Variants in C11orf65 observed in about 807,000 individuals in gnomAD.
The protein encoded by C11orf65 is chromosome 11 open reading frame 65.
In C11orf65, 38 loss-of-function variants were observed where a neutral mutation model predicts 35.3. That is an observed-to-expected ratio of 1.08 (90% CI 0.83 to 1.41). The LOEUF is 1.41. Ranked by LOEUF, C11orf65 falls within the 40% of genes most tolerant of loss-of-function variation. The pLI, the probability that C11orf65 is intolerant of heterozygous loss-of-function variation, is 0.00. For missense variants in C11orf65, 370 were observed against 367.1 expected (o/e 1.01, Z -0.06); for synonymous variants, 105 against 114.4 (o/e 0.92, Z 0.53).
chr11:108,435,131 C>T (rs933401472), intron 2 of C11orf65, among the ~76,000 whole-genome samples: 1 of 152,102 alleles, frequency 6.6e-6, no homozygotes, highest in Non-Finnish European at 1.5e-5. Flanking sequence ...AAGTGGCTCC[C>T]TCTCAATATT....
chr11:108,350,696 T>G (rs2089082491), intron 2 of C11orf65, among the ~76,000 whole-genome samples: 1 of 152,188 alleles, frequency 6.6e-6, no homozygotes, highest in Non-Finnish European at 1.5e-5. Flanking sequence ...AAGGGATTTG[T>G]TAGAGCTAGA....
chr11:108,413,038 A>G (rs1279573010), intron 3 of C11orf65, among the ~76,000 whole-genome samples: 1 of 152,246 alleles, frequency 6.6e-6, no homozygotes, highest in Admixed American at 6.5e-5. Flanking sequence ...CAGTAAGGCC[A>G]TAATTGAACT....
At chr11:108,353,212 G>T (rs752737346) in intron 2 of C11orf65, among the ~76,000 whole-genome samples, 1 of 151,674 alleles carries the variant, frequency 6.6e-6, no homozygotes, top group Admixed American at 6.6e-5. Context: ...GCAATGGCAC[G>T]ATCTCAGCTC....
At chr11:108,457,902 C>G (rs1341730839) in intron 2 of C11orf65, among the ~76,000 whole-genome samples, 2 of 152,028 alleles carry the variant, frequency 1.3e-5, no homozygotes, top group Non-Finnish European at 2.9e-5. Context: ...TTGACTGTAT[C>G]TAGAATCAAG....
intron 2 of C11orf65, among the ~76,000 whole-genome samples, chr11:108,439,532 G>A (rs1320377765): frequency 1.3e-5 from 2 of 152,126 alleles, no homozygotes; most frequent in Non-Finnish European, 2.9e-5. Flanking sequence ...CAATTTATTA[G>A]CAGCATTATT....
chr11:108,456,631 A>G (rs2093413945), intron 2 of C11orf65, among the ~76,000 whole-genome samples: 1 of 151,798 alleles, frequency 6.6e-6, no homozygotes, highest in Admixed American at 6.6e-5. Context: ...AAAATTAAAA[A>G]ATTAGCCAGG....
chr11:108,357,715 C>T (rs2090179476), intron 2 of C11orf65, among the ~76,000 whole-genome samples: 1 of 152,156 alleles, frequency 6.6e-6, no homozygotes, highest in Admixed American at 6.5e-5. Context: ...GGTACTCCAA[C>T]AGACCTGCAG....
intron 6 of C11orf65, among the ~76,000 whole-genome samples, chr11:108,323,581 T>C (rs1029911575): frequency 6.6e-6 from 1 of 152,332 alleles, no homozygotes; most frequent in East Asian, 1.9e-4. Flanking sequence ...AAATGATAAA[T>C]GTTTGAGATC....
chr11:108,331,259 C>T (rs1440889390), downstream of C11orf65: 1 of 1,335,350 alleles, frequency 7.5e-7, no homozygotes, highest in African/African-American at 1.5e-5. Context: ...ATGCATTAAT[C>T]TAGAGTACCC....
chr11:108,426,569 C>T (rs563026036), intron 3 of C11orf65, among the ~76,000 whole-genome samples: 1 of 152,230 alleles, frequency 6.6e-6, no homozygotes, highest in African/African-American at 2.4e-5. Context: ...AATGGCCATA[C>T]TGCCCAAAGT....
chr11:108,310,778 T>C (rs1262946208), intron 6 of C11orf65, among the ~76,000 whole-genome samples: 1 of 152,212 alleles, frequency 6.6e-6, no homozygotes, highest in Admixed American at 6.5e-5. Context: ...TTTATTTCTG[T>C]GACTAATTAA....
In C11orf65 at chr11:108,365,165, T is replaced by C. The variant is rs1057521029; in HGVS notation, c.226+28043A>G. The C allele has an allele frequency of 6.2e-7, 1 of 1,614,256 alleles. No homozygotes were observed. Among genetic ancestry groups the C allele is most frequent in the African/African-American group, 1.3e-5 (1 of 75,068 alleles). On this transcript the variant is annotated intron_variant, in intron 2 of 3. Coordinates refer to the C11orf65 transcript ENST00000524755. ...TACAGCAGAGGCCGGAAGATGAAAC[T>C]GAGCTTCACCCTACTCTGAATGCAG...
intron 2 of C11orf65, among the ~76,000 whole-genome samples, chr11:108,434,588 TGA>T (rs2093037139): frequency 6.6e-6 from 1 of 151,538 alleles, no homozygotes; most frequent in Non-Finnish European, 1.5e-5. Context: ...CTGCCACCAC[TGA>T]GAGAGTCCAA....
At chr11:108,333,236 G>A (rs4988127) in intron 3 of C11orf65, among the ~76,000 whole-genome samples, 1,723 of 152,030 alleles carry the variant, frequency 0.011, 36 homozygotes, top group African/African-American at 0.039. Flanking sequence ...TTTTTTAAAC[G>A]ATGTGGTTAC....
chr11:108,380,358 A>G (rs1384050580), downstream of C11orf65, among the ~76,000 whole-genome samples: 2 of 152,234 alleles, frequency 1.3e-5, no homozygotes, highest in Non-Finnish European at 2.9e-5. Flanking sequence ...GCAGTGGCAA[A>G]TTGACTCATT....
chr11:108,376,785 T>C (rs1427669225), intron 2 of C11orf65, among the ~76,000 whole-genome samples: 1 of 151,788 alleles, frequency 6.6e-6, no homozygotes, highest in Non-Finnish European at 1.5e-5. Context: ...CAATAAAAAA[T>C]GATAAAGGGG....
intron 6 of C11orf65, chr11:108,326,331 G>A: frequency 7.2e-7 from 1 of 1,390,980 alleles, no homozygotes; most frequent in Non-Finnish European, 9.7e-7. Context: ...CTTGAAATTA[G>A]TAATTTATTA....
chr11:108,393,463 T>C, intron 6 of C11orf65, 85 bp from the exon 7 acceptor site: 1 of 1,280,594 alleles, frequency 7.8e-7, no homozygotes, highest in Middle Eastern at 1.9e-4. Flanking sequence ...TGTTGCTATT[T>C]ACATATTAAA....
chr11:108,351,282 G>A (rs1178025607), intron 2 of C11orf65, among the ~76,000 whole-genome samples: 1 of 152,074 alleles, frequency 6.6e-6, no homozygotes, highest in Non-Finnish European at 1.5e-5. Context: ...ACTGAAAGGG[G>A]GCCTCTGGAA....
Sources: gnomAD v4.1 joint callset for allele counts (sites outside exome capture counted in the v4.1 genomes callset) on GRCh38, gnomAD v4.1.1 for gene constraint, MANE v1.5 for transcripts, NCBI Gene and HGNC (gene_info 2026-07-23, HGNC 2026-07-21) for gene names.